The following ALG3 variants were observed in gnomAD, a reference collection of about 807,000 sequenced individuals.
ALG3 encodes the protein dol-P-Man:Man(5)GlcNAc(2)-PP-Dol alpha-1,3-mannosyltransferase.
A neutral mutation model predicts 50.5 loss-of-function variants in ALG3; 39 were observed. That is an observed-to-expected ratio of 0.77 (90% CI 0.60 to 1.01). The LOEUF (loss-of-function observed/expected upper bound fraction) is 1.01. Ranked by LOEUF, ALG3 falls within the 50% of genes least tolerant of loss-of-function variation. The pLI is 0.00. For missense variants in ALG3, 520 were observed against 554.8 expected (o/e 0.94, Z 0.63); for synonymous variants, 252 against 237.2 (o/e 1.06, Z -0.58).
chr3:184,242,961 T>G lies in ALG3; in HGVS notation c.1010-4A>C. 6.2e-7 allele frequency: 1 copy of G among 1,613,012 alleles called. No individual in the cohort carries two copies. Among genetic ancestry groups the G allele is most frequent in the Non-Finnish European group, 8.5e-7 (1 of 1,179,750 alleles). On this transcript the variant is annotated splice_polypyrimidine_tract_variant and splice_region_variant and intron_variant, in intron 7 of 8. Transcript: ENST00000397676. ...GTGAAGAGGGTAGAAACGATCTGTA[T>G]GCGGTGGTCAAGGCCAAGGGCAGGA... is the stretch of plus-strand genomic sequence containing the variant.
chr3:184,249,459 C>T (rs1201659302), upstream of ALG3: 1 of 765,172 alleles, frequency 1.3e-6, no homozygotes, highest in Non-Finnish European at 2.1e-6. Flanking sequence ...AGTCTGACAC[C>T]TTGAGTGCGG....
At chr3:184,242,710 A>G (rs1718877149) in intron 8 of ALG3, 34 bp from the exon 9 acceptor site, 1 of 1,568,396 alleles carries the variant, frequency 6.4e-7, no homozygotes, top group Non-Finnish European at 8.7e-7. Context: ...CGTTTCATCC[A>G]GTTGCAAGGC....
At chr3:184,243,467 G>C in intron 7 of ALG3, 87 bp downstream of exon 7, 1 of 1,320,722 alleles carries the variant, frequency 7.6e-7, no homozygotes, top group Non-Finnish European at 1.1e-6. Flanking sequence ...TCCTCGCCCA[G>C]GTCACCAGCT....
chr3:184,248,895 G>C lies in ALG3; in HGVS notation c.46C>G (p.Gln16Glu), dbSNP rs758256479. ...CATTGCTTGCAGAGTCCCTCTGCCT[G>C]GGCCGCGGAACCGGACCGGCCGCGT... ...RKRGRSGSAA[Q>E]AEGLCKQWLQ... The change falls in exon 1 of 9, where the codon CAG (glutamine) becomes GAG (glutamate). Residue 16 changes from glutamine (Q) to glutamate (E), a missense_variant. By Grantham distance (29) the Gln-to-Glu change is conservative (BLOSUM62 2). This residue lies in a region of ALG3 where 290 missense variants were observed against 265.9 expected (regional missense o/e 1.09). Transcript: ENST00000397676. The C allele has an allele frequency of 6.2e-7, 1 of 1,601,946 alleles. No individual in the cohort carries two copies. Among genetic ancestry groups the C allele is most frequent in the Non-Finnish European group, 8.5e-7 (1 of 1,174,910 alleles).
At chr3:184,243,760 C>T (rs761067003) in intron 6 of ALG3, 31 bp downstream of exon 6, 7 of 1,602,216 alleles carry the variant, frequency 4.4e-6, no homozygotes, top group Non-Finnish European at 6.0e-6. Flanking sequence ...CTTCCCCCAA[C>T]TCTGCCCATG....
intron 7 of ALG3, 60 bp downstream of exon 7, chr3:184,243,494 C>A: frequency 6.4e-7 from 1 of 1,550,494 alleles, no homozygotes; most frequent in African/African-American, 1.4e-5. Flanking sequence ...GGATACCTGA[C>A]CAGGACTCTG....
Position 184,248,941 on chromosome 3 carries a change from C to T in ALG3, c.-1G>A. On this transcript the variant is annotated 5_prime_UTR_variant, in exon 1 of 9. Transcript: ENST00000397676. ...CGCGTTTCCGCAGCCCAGCCGCCAT[C>T]TTAACGGTGCGCCGCTTGTGTGGGC... 1.3e-6 allele frequency: 2 copies of T among 1,576,500 alleles called. No individual in the cohort carries two copies. Among genetic ancestry groups the T allele is most frequent in the South Asian group, 1.1e-5 (1 of 87,562 alleles).
At chr3:184,248,719 C>CCCA in intron 1 of ALG3, 26 bp downstream of exon 1, 2 of 1,398,728 alleles carry the variant, frequency 1.4e-6, no homozygotes, top group African/African-American at 1.4e-5. Context: ...CCCTCCCTCC[C>CCCA]CTCCCCTCCC....
chr3:184,243,081 G>A, intron 7 of ALG3, 124 bp from the exon 8 acceptor site: 9 of 1,356,240 alleles, frequency 6.6e-6, no homozygotes, highest in Non-Finnish European at 9.1e-6. Context: ...ATGCCTTTGG[G>A]CAAGTTTATT....
At chr3:184,245,682 C>T (rs1389838882) in intron 2 of ALG3, 31 bp downstream of exon 2, 3 of 1,610,200 alleles carry the variant, frequency 1.9e-6, no homozygotes, top group African/African-American at 1.3e-5. Context: ...CAGCCCCTCA[C>T]ATCCTCCCTG....
At chr3:184,246,662 A>G (rs1251456710) in intron 1 of ALG3, among the ~76,000 whole-genome samples, 1 of 151,852 alleles carries the variant, frequency 6.6e-6, no homozygotes, top group Non-Finnish European at 1.5e-5. Context: ...CAGTTCCTCA[A>G]AGGAACCAGG....
At chr3:184,247,975 A>G (rs1351738844) in intron 1 of ALG3, among the ~76,000 whole-genome samples, 3 of 147,742 alleles carry the variant, frequency 2.0e-5, no homozygotes, top group Non-Finnish European at 4.5e-5. Flanking sequence ...CCTCCCGAGT[A>G]GCTGGGACTA....
chr3:184,249,478 A>G, upstream of ALG3: 1 of 752,514 alleles, frequency 1.3e-6, no homozygotes, highest in Non-Finnish European at 2.1e-6. Flanking sequence ...GGCCCTAGGA[A>G]ATGACTTGGC....
chr3:184,243,762 C>A (rs754379659), intron 6 of ALG3, 29 bp downstream of exon 6: 4 of 1,602,744 alleles, frequency 2.5e-6, no homozygotes, highest in Admixed American at 3.5e-5. Context: ...TCCCCCAACT[C>A]TGCCCATGGC....
At position 184,242,426 on chromosome 3, in the gene ALG3, G is replaced by C. The variant is rs745829053; in HGVS notation, c.*88C>G. The C allele has an allele frequency of 1.3e-6, 2 of 1,506,170 alleles. No homozygotes were observed. Among genetic ancestry groups the C allele is most frequent in the South Asian group, 1.2e-5 (1 of 82,900 alleles). The allele number at this position is 1,506,170 out of a possible 1,614,324, so 93.3% of individuals were successfully genotyped here. ...CCTCCATGTAGGTTGCACAGAGTTG[G>C]ACTTAGCAAGGTTTATTTGGAAGGG... On this transcript the variant is annotated 3_prime_UTR_variant, in exon 9 of 9. Transcript: ENST00000397676.
chr3:184,248,811 G>C lies in ALG3; in HGVS notation c.130C>G (p.Leu44Val). Residue 44 changes from leucine to valine, a missense_variant, in exon 1 of 9, where the codon CTG (leucine) becomes GTG (valine). Leu to Val is a conservative substitution (Grantham distance 32). Around this residue, in one of 3 missense-constraint regions of ALG3, gnomAD observed 290 missense variants for 265.9 expected, o/e 1.09. Coordinates refer to ENST00000397676, the MANE Select transcript of ALG3 (RefSeq NM_005787.6). ...GCCAGGCAGAGGCAGGCGGCCACCA[G>C]CAGCGTGTAGCGCGGCTCCCGCAGC... Reference protein sequence around the residue: ...LLLREPRYTLLVAACLCLAEV... With the variant: ...LLLREPRYTLVVAACLCLAEV... 6.3e-7 allele frequency: 1 copy of C among 1,589,942 alleles called. No individual in the cohort carries two copies. The highest frequency in any genetic ancestry group is 8.6e-7 in the Non-Finnish European group (1 of 1,166,108).
intron 4 of ALG3, 59 bp downstream of exon 4, chr3:184,245,139 A>T (rs1461118064): frequency 1.2e-6 from 2 of 1,600,274 alleles, no homozygotes; most frequent in Non-Finnish European, 1.7e-6. Context: ...GCTGCAGGAA[A>T]TTGGGAAGAG....
intron 1 of ALG3, among the ~76,000 whole-genome samples, chr3:184,248,424 G>A (rs1658815119): frequency 6.6e-6 from 1 of 151,766 alleles, no homozygotes; most frequent in Admixed American, 6.6e-5. Flanking sequence ...GAGGAGACCT[G>A]AGGTGTCCAA....
At chr3:184,243,499 ACT>A in intron 7 of ALG3, 53 bp downstream of exon 7, 1 of 1,561,554 alleles carries the variant, frequency 6.4e-7, no homozygotes, top group Admixed American at 1.7e-5. Context: ...CCTGACCAGG[ACT>A]CTGTCAGCAC....
Sources: gnomAD v4.1 joint callset for allele counts (sites outside exome capture counted in the v4.1 genomes callset) on GRCh38, gnomAD v4.1.1 for gene constraint, gnomAD v4.1.1 regional missense constraint, MANE v1.5 for transcripts, NCBI Gene and HGNC (gene_info 2026-07-23, HGNC 2026-07-21) for gene names.